The following POU2F2 variants were observed in gnomAD, a reference collection of about 807,000 sequenced individuals.
POU2F2 encodes POU class 2 homeobox 2, also known as POU domain, class 2, transcription factor 2.
Under a neutral mutation model 63.5 loss-of-function variants are expected in POU2F2, and 14 were observed. That is an observed-to-expected ratio of 0.22 (90% CI 0.15 to 0.34). POU2F2 has a LOEUF of 0.34. Among genes scored for constraint, POU2F2 ranks in the 10% least tolerant of loss-of-function variants. The pLI is 1.00. For missense variants in POU2F2, 607 were observed against 815.2 expected (o/e 0.74, Z 3.11); for synonymous variants, 306 against 348.6 (o/e 0.88, Z 1.36).
chr19:42,144,089 A>G (rs1391963160), intron 2 of POU2F2, among the ~76,000 whole-genome samples: 2 of 152,194 alleles, frequency 1.3e-5, no homozygotes, highest in Admixed American at 6.5e-5. Context: ...GATTAATCAT[A>G]ATCCTTGGTT....
chr19:42,170,852 G>A (rs2034749052), intron 1 of POU2F2, among the ~76,000 whole-genome samples: 1 of 152,238 alleles, frequency 6.6e-6, no homozygotes, highest in African/African-American at 2.4e-5. Flanking sequence ...CCTGGTCTCT[G>A]GTCATGGGCC....
chr19:42,153,582 G>C lies in POU2F2; in HGVS notation c.-9+6750C>G, dbSNP rs1344701090. 6.6e-6 allele frequency among the ~76,000 whole-genome samples: 1 copy of C among 152,146 alleles called. No homozygotes were observed. The highest frequency in any genetic ancestry group is 1.9e-4 in the East Asian group (1 of 5,194). The stretch of plus-strand genomic sequence containing the variant: ...CTGTGGGCAGCTGCGTGTGCTTCAG[G>C]GATCTGCGCGGTGGTCTCTATGTGT... On this transcript the variant is annotated intron_variant, in intron 2 of 6. Transcript: ENST00000524801. This position sits in a 1 kb window ranked among gnomAD's most constrained non-coding sequence, Gnocchi z 5.6.
Position 42,092,103 on chromosome 19 carries a change from C to A in POU2F2, c.1432G>T (p.Ala478Ser), listed in dbSNP as rs770650492. The change falls in exon 13 of 15, where the codon GCT becomes TCT. Residue 478 changes from alanine to serine, a missense_variant. Physicochemically the swap from Ala to Ser is moderately conservative, Grantham distance 99. This residue lies in a region of POU2F2 where 270 missense variants were observed against 307.5 expected (regional missense o/e 0.88). Transcript: ENST00000692977. The surrounding 1 kb of genome is among the most constrained non-coding windows in gnomAD (Gnocchi z 5.0). Reference sequence around the variant, plus strand: ...GGGTTCAGGCCTGACAAGCCGATAGCCGAGTGGCTGCCTTGAGGGCTGGGG... The same window carrying A: ...GGGTTCAGGCCTGACAAGCCGATAGACGAGTGGCTGCCTTGAGGGCTGGGG... Reference protein sequence around the residue: ...TNPSPQGSHSAIGLSGLNPST... With the variant: ...TNPSPQGSHSSIGLSGLNPST... 1 of 1,594,410 alleles carries A rather than the reference C, an allele frequency of 6.3e-7. No homozygotes were observed. The highest frequency in any genetic ancestry group is 8.5e-7 in the Non-Finnish European group (1 of 1,171,518).
chr19:42,163,859 T>C (rs2034598859), intron 1 of POU2F2, among the ~76,000 whole-genome samples: 1 of 152,152 alleles, frequency 6.6e-6, no homozygotes, highest in African/African-American at 2.4e-5. Context: ...AGAAGGACTG[T>C]AGAGTTGTTG....
chr19:42,196,980 G>A (rs2035156852), upstream of POU2F2, among the ~76,000 whole-genome samples: 1 of 152,240 alleles, frequency 6.6e-6, no homozygotes, highest in Non-Finnish European at 1.5e-5. Context: ...AGCCTGAAAT[G>A]TGTCCAGCCT....
chr19:42,173,304 A>G (rs2034807050), intron 1 of POU2F2, among the ~76,000 whole-genome samples: 1 of 152,108 alleles, frequency 6.6e-6, no homozygotes, highest in Non-Finnish European at 1.5e-5. Context: ...CTCCCTTGCC[A>G]TCATCGATGT....
At position 42,117,336 on chromosome 19, in the gene POU2F2, C is replaced by A; in HGVS notation, c.283G>T (p.Ala95Ser). Residue 95 changes from alanine (A) to serine (S), a missense_variant, in exon 5 of 15, where the codon GCC (alanine) becomes TCC (serine). Ala to Ser is a moderately conservative substitution (Grantham distance 99). Coordinates refer to ENST00000692977, the MANE Select transcript of POU2F2 (RefSeq NM_001394376.1). This position sits in a 1 kb window ranked among gnomAD's most constrained non-coding sequence, Gnocchi z 4.4. ...TGAGGGGGCAGGGGTGCTGCTGGGGCTGAATCGCCACTGGGGTCTTCAGCC... is the reference window on the plus strand; with the variant it reads ...TGAGGGGGCAGGGGTGCTGCTGGGGATGAATCGCCACTGGGGTCTTCAGCC... The part of the protein sequence containing the change: ...IKAEDPSGDS[A>S]PAAPLPPQPA... The A allele has an allele frequency of 1.3e-6, 2 of 1,528,108 alleles. No individual in the cohort carries two copies. The highest frequency in any genetic ancestry group is 8.7e-7 in the Non-Finnish European group (1 of 1,149,876). The allele number at this position is 1,528,108 out of a possible 1,614,324, so 94.7% of individuals were successfully genotyped here.
At chr19:42,141,545 A>G (rs2034127798) in intron 2 of POU2F2, among the ~76,000 whole-genome samples, 2 of 145,772 alleles carry the variant, frequency 1.4e-5, no homozygotes, top group Non-Finnish European at 3.0e-5. Context: ...GCAATGGCAC[A>G]ATCTTGGCTC....
At chr19:42,189,183 A>G (rs1249804383) in intron 1 of POU2F2, among the ~76,000 whole-genome samples, 1 of 152,178 alleles carries the variant, frequency 6.6e-6, no homozygotes, top group Non-Finnish European at 1.5e-5. Context: ...CTGCCCACCC[A>G]GCATCCATTT....
intron 1 of POU2F2, among the ~76,000 whole-genome samples, chr19:42,164,807 C>A (rs1279191110): frequency 6.6e-6 from 1 of 151,652 alleles, no homozygotes; most frequent in Non-Finnish European, 1.5e-5. Flanking sequence ...ACAAAAAATA[C>A]AAAAATTAGC....
At position 42,169,760 on chromosome 19, in the gene POU2F2, G is replaced by A. The variant is rs1336041465; in HGVS notation, c.-70+6203C>T. On this transcript the variant is annotated intron_variant, in intron 1 of 6. Coordinates refer to the POU2F2 transcript ENST00000524801. This position sits in a 1 kb window ranked among gnomAD's most constrained non-coding sequence, Gnocchi z 4.3. ...TGCGCGCACACGTGTGTGTGTGCGT[G>A]TGTGTGTGTGTCGGGGTGATATAAA... Among the ~76,000 whole-genome samples, 1 of 151,942 alleles carries A rather than the reference G, an allele frequency of 6.6e-6. No individual in the cohort carries two copies. Among genetic ancestry groups the A allele is most frequent in the African/African-American group, 2.4e-5 (1 of 41,380 alleles).
At chr19:42,182,071 G>A (rs1429954187) in intron 1 of POU2F2, among the ~76,000 whole-genome samples, 1 of 152,120 alleles carries the variant, frequency 6.6e-6, no homozygotes, top group Admixed American at 6.6e-5. Context: ...AGGAAGGGAA[G>A]AAACTGGGGA....
In POU2F2 at chr19:42,153,697, G is replaced by A. The variant is rs2034400302; in HGVS notation, c.-9+6635C>T. On this transcript the variant is annotated intron_variant, in intron 2 of 6. Transcript: ENST00000524801. The surrounding 1 kb of genome is among the most constrained non-coding windows in gnomAD (Gnocchi z 5.6). ...ATGCTGTGTGTCCCTGTGTGCCGATGGTCGAGTGTGTTTCCACAAGTGGGC... is the reference window on the plus strand; with the variant it reads ...ATGCTGTGTGTCCCTGTGTGCCGATAGTCGAGTGTGTTTCCACAAGTGGGC... Among the ~76,000 whole-genome samples the A allele has an allele frequency of 1.3e-5, 2 of 152,092 alleles. No individual in the cohort carries two copies. The highest frequency in any genetic ancestry group is 2.9e-5 in the Non-Finnish European group (2 of 68,012).
At chr19:42,135,108 C>T (rs193018076), upstream of POU2F2, among the ~76,000 whole-genome samples, 1 of 152,210 alleles carries the variant, frequency 6.6e-6, no homozygotes, top group African/African-American at 2.4e-5. Context: ...TCTACTCAGC[C>T]CCCAGCATCA....
Position 42,091,209 on chromosome 19 carries a change from G to A in POU2F2, c.*48C>T. On this transcript the variant is annotated 3_prime_UTR_variant, in exon 15 of 15. Transcript: ENST00000692977. ...CCTCCTCGCCCTCTTCCCAGGCAAG[G>A]GACCAAGGCAGGGACCAGAGGAATG... 6.8e-7 allele frequency: 1 copy of A among 1,478,908 alleles called. No homozygotes were observed. Among genetic ancestry groups the A allele is most frequent in the Non-Finnish European group, 9.0e-7 (1 of 1,113,792 alleles). The allele number at this position is 1,478,908 out of a possible 1,614,324, so 91.6% of individuals were successfully genotyped here.
chr19:42,133,928 T>C (rs953981600), upstream of POU2F2, among the ~76,000 whole-genome samples: 1 of 151,734 alleles, frequency 6.6e-6, no homozygotes, highest in African/African-American at 2.4e-5. The surrounding 1 kb of genome is among the most constrained non-coding windows in gnomAD (Gnocchi z 5.1). Flanking sequence ...GGCAAGCAGG[T>C]GGGCACAACA....
chr19:42,108,721 AC>A (rs1204601023), intron 5 of POU2F2, among the ~76,000 whole-genome samples: 1 of 152,208 alleles, frequency 6.6e-6, no homozygotes, highest in African/African-American at 2.4e-5. Context: ...CTCTGAAGCC[AC>A]TTGAGGGCGT....
chr19:42,144,105 C>T (rs186876377), intron 2 of POU2F2, among the ~76,000 whole-genome samples: 7 of 152,336 alleles, frequency 4.6e-5, no homozygotes, highest in Admixed American at 3.9e-4. Context: ...TGGTTCACAG[C>T]GTACTCCCAT....
chr19:42,133,211 G>A (rs563111462), upstream of POU2F2, among the ~76,000 whole-genome samples: 65 of 152,300 alleles, frequency 4.3e-4, 1 homozygote, highest in East Asian at 0.012. The surrounding 1 kb of genome is among the most constrained non-coding windows in gnomAD (Gnocchi z 5.1). Context: ...TCGCGCTGCG[G>A]CGCTCCCATT....
Sources: gnomAD v4.1 joint callset for allele counts (sites outside exome capture counted in the v4.1 genomes callset) on GRCh38, gnomAD v4.1.1 for gene constraint, gnomAD v4.1.1 regional missense constraint, Gnocchi (gnomAD v3.1) non-coding constraint, MANE v1.5 for transcripts, NCBI Gene and HGNC (gene_info 2026-07-23, HGNC 2026-07-21) for gene names.